Variants in WWOX observed in about 807,000 individuals in gnomAD.
WWOX encodes WW domain-containing oxidoreductase.
WWOX carries 69 observed loss-of-function variants against 46.2 expected under a neutral mutation model. The ratio of observed to expected loss-of-function variants is 1.49; its 90% CI spans 1.23 to 1.82. WWOX has a LOEUF of 1.82. Ranked by LOEUF, WWOX falls within the 40% of genes most tolerant of loss-of-function variation. The pLI is 0.00. For synonymous variants in WWOX, 359 were observed against 202.6 expected (o/e 1.77, Z -6.56); for missense variants, 919 against 542.6 (o/e 1.69, Z -6.89).
chr16:79,146,234 C>A (rs1178323008), intron 8 of WWOX, among the ~76,000 whole-genome samples: 3 of 152,112 alleles, frequency 2.0e-5, no homozygotes, highest in Admixed American at 6.6e-5. Flanking sequence ...CAAAAAGAGT[C>A]TTTTGCATTT....
At chr16:78,925,160 A>G (rs532440184) in intron 8 of WWOX, among the ~76,000 whole-genome samples, 214 of 152,324 alleles carry the variant, frequency 1.4e-3, no homozygotes, top group African/African-American at 4.8e-3. Flanking sequence ...TTGCCACTGC[A>G]CTCCAGACTG....
At chr16:78,652,612 C>T (rs1012598870) in intron 8 of WWOX, among the ~76,000 whole-genome samples, 3 of 152,118 alleles carry the variant, frequency 2.0e-5, no homozygotes, top group Non-Finnish European at 2.9e-5. Flanking sequence ...ACCTGGACAG[C>T]TCCTGCCATC....
chr16:78,231,211 A>T (rs994208286), intron 5 of WWOX, among the ~76,000 whole-genome samples: 2 of 152,220 alleles, frequency 1.3e-5, no homozygotes, highest in Non-Finnish European at 2.9e-5. Flanking sequence ...CTTTCAAACC[A>T]AACTCTTTCA....
chr16:78,321,029 C>G (rs987802535), intron 5 of WWOX, among the ~76,000 whole-genome samples: 2 of 152,190 alleles, frequency 1.3e-5, no homozygotes, highest in Middle Eastern at 3.4e-3. Context: ...AACCAATAGC[C>G]TCACAGATGG....
intron 8 of WWOX, among the ~76,000 whole-genome samples, chr16:79,103,414 A>G (rs1707266534): frequency 6.6e-6 from 1 of 152,192 alleles, no homozygotes; most frequent in South Asian, 2.1e-4. Context: ...TTAGTGGGAA[A>G]TGTTTAGGGG....
chr16:78,831,785 C>T (rs974838036), intron 8 of WWOX, among the ~76,000 whole-genome samples: 1 of 152,170 alleles, frequency 6.6e-6, no homozygotes, highest in Non-Finnish European at 1.5e-5. Context: ...CCTCCAGAAG[C>T]TTTTACTGAG....
intron 8 of WWOX, among the ~76,000 whole-genome samples, chr16:79,026,586 G>C (rs2047646810): frequency 1.4e-5 from 2 of 148,100 alleles, no homozygotes; most frequent in South Asian, 4.3e-4. Flanking sequence ...CTAGGGGAGA[G>C]AACACAGAGC....
At chr16:78,625,613 C>G (rs1418002140) in intron 8 of WWOX, among the ~76,000 whole-genome samples, 1 of 151,704 alleles carries the variant, frequency 6.6e-6, no homozygotes, top group Non-Finnish European at 1.5e-5. Context: ...ATTATTGATA[C>G]TGAAATATTA....
chr16:78,834,927 T>G (rs1378550351), intron 8 of WWOX, among the ~76,000 whole-genome samples: 1 of 152,184 alleles, frequency 6.6e-6, no homozygotes, highest in Non-Finnish European at 1.5e-5. Flanking sequence ...GCAATCATAT[T>G]AGCAGTTCGT....
intron 6 of WWOX, among the ~76,000 whole-genome samples, chr16:78,397,127 A>G (rs1156231076): frequency 6.6e-6 from 1 of 152,154 alleles, no homozygotes; most frequent in Non-Finnish European, 1.5e-5. Flanking sequence ...CCCCCATGAT[A>G]TTTCACGGCT....
At chr16:78,912,309 C>A (rs905654284) in intron 8 of WWOX, among the ~76,000 whole-genome samples, 1 of 151,988 alleles carries the variant, frequency 6.6e-6, no homozygotes. Flanking sequence ...ATGCTATGCA[C>A]CTTATGTGTG....
chr16:78,424,664 C>T (rs962347699), intron 6 of WWOX, among the ~76,000 whole-genome samples: 28 of 152,178 alleles, frequency 1.8e-4, no homozygotes, highest in Non-Finnish European at 2.9e-4. Flanking sequence ...CAGTTGCCCA[C>T]TCAAAGCCTT....
At chr16:78,573,624 C>G (rs2044774046) in intron 8 of WWOX, among the ~76,000 whole-genome samples, 1 of 152,204 alleles carries the variant, frequency 6.6e-6, no homozygotes, top group African/African-American at 2.4e-5. Flanking sequence ...CTCTGTCTCA[C>G]TAATTTGTTC....
intron 8 of WWOX, among the ~76,000 whole-genome samples, chr16:78,799,949 G>C (rs916030357): frequency 2.0e-5 from 3 of 152,062 alleles, no homozygotes; most frequent in African/African-American, 7.2e-5. Context: ...CACTAGTTAG[G>C]AACTTCCCCC....
intron 8 of WWOX, among the ~76,000 whole-genome samples, chr16:79,109,175 G>C (rs1173563616): frequency 6.6e-6 from 1 of 152,088 alleles, no homozygotes; most frequent in Non-Finnish European, 1.5e-5. Context: ...GCCAGTTCCA[G>C]GACTCTGTGT....
At chr16:78,738,407 C>G (rs2049138459) in intron 8 of WWOX, among the ~76,000 whole-genome samples, 1 of 152,080 alleles carries the variant, frequency 6.6e-6, no homozygotes, top group African/African-American at 2.4e-5. Flanking sequence ...GTGTATGATG[C>G]TGGGTTTTAC....
intron 8 of WWOX, among the ~76,000 whole-genome samples, chr16:78,802,723 C>G (rs1291311134): frequency 6.6e-6 from 1 of 151,504 alleles, no homozygotes; most frequent in Non-Finnish European, 1.5e-5. Context: ...CAAGATCAGC[C>G]TGGGCAATAT....
chr16:79,077,279 C>A (rs1043666507), intron 8 of WWOX: 1 of 152,096 alleles, frequency 6.6e-6, no homozygotes, highest in African/African-American at 2.4e-5. Flanking sequence ...TCAAACAGGG[C>A]CCCTGCGTTT....
intron 2 of WWOX, 125 bp downstream of exon 2, chr16:78,108,612 C>G (rs984313125): frequency 9.0e-6 from 9 of 1,004,904 alleles, no homozygotes; most frequent in Non-Finnish European, 1.4e-5. Flanking sequence ...ACCAGACTCC[C>G]ACTCTGAGGA....
Sources: allele counts gnomAD v4.1 joint callset (sites outside exome capture counted in the v4.1 genomes callset), GRCh38; gene constraint gnomAD v4.1.1; transcripts MANE v1.5; gene names NCBI Gene and HGNC (gene_info 2026-07-23, HGNC 2026-07-21).